Variants in NUCB2 observed in about 807,000 individuals in gnomAD.
The protein encoded by NUCB2 is nucleobindin-2.
A neutral mutation model predicts 57.9 loss-of-function variants in NUCB2; 48 were observed. That is an observed-to-expected ratio of 0.83 (90% CI 0.66 to 1.05). The LOEUF is 1.05. NUCB2 is among the 50% of genes least tolerant of loss of function. The pLI is 0.00. For synonymous variants in NUCB2, 139 were observed against 152.1 expected, an observed-to-expected ratio of 0.91 and a Z score of 0.64; for missense variants, 442 against 476.2, an observed-to-expected ratio of 0.93 and a Z score of 0.67.
intron 11 of NUCB2, among the ~76,000 whole-genome samples, chr11:17,329,730 A>C (rs1387055358): frequency 6.6e-6 from 1 of 152,222 alleles, no homozygotes; most frequent in Non-Finnish European, 1.5e-5. Context: ...GGTGATATGA[A>C]GTTGAAACCA....
intron 5 of NUCB2, among the ~76,000 whole-genome samples, chr11:17,308,134 GA>G (rs1340829361): frequency 3.3e-5 from 5 of 152,156 alleles, no homozygotes; most frequent in African/African-American, 1.2e-4. Context: ...GGTTGAACCA[GA>G]TTTAGCAGTT....
chr11:17,304,937 A>G (rs927803196), intron 5 of NUCB2, among the ~76,000 whole-genome samples: 26 of 152,228 alleles, frequency 1.7e-4, no homozygotes, highest in African/African-American at 4.6e-4. Context: ...TTTTCTCTAG[A>G]TTAATATATA....
chr11:17,304,007 T>C (rs1436764025), intron 5 of NUCB2, among the ~76,000 whole-genome samples: 5 of 151,588 alleles, frequency 3.3e-5, no homozygotes, highest in Non-Finnish European at 5.9e-5. Flanking sequence ...AATTAATAGA[T>C]AAATTCTGTA....
At chr11:17,343,852 A>C (rs1254183718) in intron 2 of NUCB2, among the ~76,000 whole-genome samples, 2 of 152,136 alleles carry the variant, frequency 1.3e-5, no homozygotes, top group East Asian at 3.8e-4. Context: ...ATTTTTTTCT[A>C]ACTAAATCTC....
intron 11 of NUCB2, among the ~76,000 whole-genome samples, chr11:17,326,311 GT>G (rs60955119): frequency 4.1e-3 from 295 of 71,282 alleles, no homozygotes; most frequent in African/African-American, 0.011. Context: ...CATTGTTACC[GT>G]TTTTTTTTTT....
At chr11:17,302,663 T>A (rs567132973) in intron 5 of NUCB2, among the ~76,000 whole-genome samples, 10 of 151,878 alleles carry the variant, frequency 6.6e-5, no homozygotes, top group South Asian at 4.2e-4. Context: ...CTTGAACTCC[T>A]AGGGCTCAGG....
chr11:17,311,827 A>G, intron 8 of NUCB2, 45 bp from the exon 9 acceptor site: 1 of 1,233,978 alleles, frequency 8.1e-7, no homozygotes, highest in Non-Finnish European at 1.2e-6. Flanking sequence ...ATTATTTTCT[A>G]AGTTATTAAA....
chr11:17,311,979 T>C lies in NUCB2; in HGVS notation c.819+49T>C, dbSNP rs1948550850. 5 of 1,541,480 alleles carry C rather than the reference T, an allele frequency of 3.2e-6. No homozygotes were observed. The East Asian group carries it at 9.0e-5, about 28-fold the overall frequency. On this transcript the variant is annotated intron_variant, in intron 9 of 13. Coordinates refer to ENST00000529010, the MANE Select transcript of NUCB2 (RefSeq NM_005013.4). Reference sequence around the variant, plus strand: ...AGTGTTCTTGTTCTCTCTCTTTTTTTCCTGTTACTTTCTTTCCTTTCATGT... The same window carrying C: ...AGTGTTCTTGTTCTCTCTCTTTTTTCCCTGTTACTTTCTTTCCTTTCATGT...
intron 4 of NUCB2, 21 bp downstream of exon 4, chr11:17,296,232 T>C (rs771213958): frequency 7.0e-7 from 1 of 1,419,458 alleles, no homozygotes; most frequent in African/African-American, 1.4e-5. Flanking sequence ...TTCAATAATA[T>C]ATACATATAT....
intron 5 of NUCB2, among the ~76,000 whole-genome samples, chr11:17,303,156 A>G (rs1190935688): frequency 6.6e-6 from 1 of 152,182 alleles, no homozygotes; most frequent in Non-Finnish European, 1.5e-5. Context: ...CATAAGAATA[A>G]GTTTCATAAA....
At chr11:17,307,689 G>A (rs1013817897) in intron 5 of NUCB2, among the ~76,000 whole-genome samples, 38 of 152,108 alleles carry the variant, frequency 2.5e-4, no homozygotes, top group Non-Finnish European at 4.3e-4. Context: ...AGCCAGGCCC[G>A]TGTCAATTGA....
rs1409100990 is a variant in NUCB2 at position 17,288,546 on chromosome 11, C to CTTTTTT, written c.-1+5605_-1+5606insTTTTTT. 3.7e-5 allele frequency among the ~76,000 whole-genome samples: 3 copies of CTTTTTT among 81,656 alleles called. No homozygotes were observed. In the East Asian group the frequency reaches 2.1e-3, roughly 57 times the overall value. 53.6% of individuals were successfully genotyped at this position (81,656 alleles called of 152,430 possible). A position where few individuals can be genotyped will look rare whatever the true frequency, so the allele number is the denominator to read the frequency against. ...ATTTTATCTTTTTCTTCTTCTTCTT[C>CTTTTTT]TTCTTCTTTTTTTTTTTTTTTTGAG... On this transcript the variant is annotated intron_variant, in intron 2 of 13. Coordinates refer to ENST00000529010, the MANE Select transcript of NUCB2 (RefSeq NM_005013.4).
At chr11:17,277,391 C>A (rs777400323) in intron 1 of NUCB2, among the ~76,000 whole-genome samples, 1 of 152,186 alleles carries the variant, frequency 6.6e-6, no homozygotes, top group Non-Finnish European at 1.5e-5. Flanking sequence ...TTCCTTGTTG[C>A]ACCTGCTAAG....
At chr11:17,297,578 T>C (rs551028870) in intron 4 of NUCB2, among the ~76,000 whole-genome samples, 1 of 152,330 alleles carries the variant, frequency 6.6e-6, no homozygotes, top group Non-Finnish European at 1.5e-5. Flanking sequence ...ACTCTTAATG[T>C]CTTGTATCAG....
intron 11 of NUCB2, among the ~76,000 whole-genome samples, chr11:17,326,998 T>A (rs548703895): frequency 4.1e-4 from 62 of 152,216 alleles, no homozygotes; most frequent in African/African-American, 1.3e-3. Context: ...GGGTAAAAAA[T>A]TTTTTTTCCT....
chr11:17,308,268 C>T (rs993695913), intron 5 of NUCB2, among the ~76,000 whole-genome samples: 1 of 152,142 alleles, frequency 6.6e-6, no homozygotes, highest in African/African-American at 2.4e-5. Flanking sequence ...TATTTTAGAT[C>T]AAGAGCTGGC....
chr11:17,281,269 A>G (rs1291033750), intron 1 of NUCB2, among the ~76,000 whole-genome samples: 4 of 151,834 alleles, frequency 2.6e-5, no homozygotes, highest in Non-Finnish European at 4.4e-5. Flanking sequence ...GGTGCACACC[A>G]CTACACCCAG....
intron 11 of NUCB2, among the ~76,000 whole-genome samples, chr11:17,318,204 G>A (rs559187213): frequency 4.0e-5 from 6 of 151,424 alleles, no homozygotes; most frequent in Non-Finnish European, 8.8e-5. Flanking sequence ...TTTAGTAGAG[G>A]CAGGATGTCG....
chr11:17,313,343 A>G (rs1948788685), intron 10 of NUCB2, among the ~76,000 whole-genome samples: 1 of 151,910 alleles, frequency 6.6e-6, no homozygotes, highest in Admixed American at 6.6e-5. Context: ...CAGCCTGGCA[A>G]ACATGGTGAA....
Sources: gnomAD v4.1 joint callset for allele counts (sites outside exome capture counted in the v4.1 genomes callset) on GRCh38, gnomAD v4.1.1 for gene constraint, MANE v1.5 for transcripts, NCBI Gene and HGNC (gene_info 2026-07-23, HGNC 2026-07-21) for gene names.